HAVCR1: variants seen among roughly 807,000 people sequenced by gnomAD.
HAVCR1 encodes the protein T cell immunoglobin domain and mucin domain protein 1.
Under a neutral mutation model 32.0 loss-of-function variants are expected in HAVCR1, and 34 were observed. That is an observed-to-expected ratio of 1.06 (90% CI 0.81 to 1.42). The LOEUF is 1.42. Ranked by LOEUF, HAVCR1 falls within the 40% of genes most tolerant of loss-of-function variation. The probability of loss-of-function intolerance (pLI) is 0.00; values close to 1 mark genes in which losing one functional copy is unlikely to be tolerated. For synonymous variants in HAVCR1, 178 were observed against 170.3 expected, an observed-to-expected ratio of 1.05 and a Z score of -0.35; for missense variants, 420 against 442.3, an observed-to-expected ratio of 0.95 and a Z score of 0.45.
rs1226932507 is a variant in HAVCR1, at chr5:157,044,621, GAA to G, written c.782-1941_782-1940del. Among the ~76,000 whole-genome samples the G allele has an allele frequency of 8.1e-3, 343 of 42,542 alleles. 1 individual carries two copies. Among genetic ancestry groups the G allele is most frequent in the Middle Eastern group, 0.023 (2 of 88 alleles). The allele number at this position is 42,542 out of a possible 152,430, so 27.9% of individuals were successfully genotyped here. On this transcript the variant is annotated intron_variant, in intron 5 of 8. Transcript: ENST00000523175. Reference sequence around the variant, plus strand: ...AAAGAAAGAAAGAAAGAAAGAGAAAGAAAGAAAGAAAGAAAGAAAGAAAGAAA... The same window carrying G: ...AAAGAAAGAAAGAAAGAAAGAGAAAGAGAAAGAAAGAAAGAAAGAAAGAAA...
rs887489318 is a variant in HAVCR1, at chr5:157,037,430, A to G, written c.838-69T>C. On this transcript the variant is annotated intron_variant, in intron 6 of 8. Coordinates refer to ENST00000523175, the MANE Select transcript of HAVCR1 (RefSeq NM_001173393.3). ...TTATGAAGAGAAAACATTTCCCAGA[A>G]TCACTTACCCAGCCACATTTACCTG... 7 of 759,666 alleles carry G rather than the reference A, an allele frequency of 9.2e-6. No homozygotes were observed. The African/African-American group carries it at 1.2e-4, about 13-fold the overall frequency. 47.1% of individuals were successfully genotyped at this position (759,666 alleles called of 1,614,324 possible).
At chr5:157,050,007 T>C (rs111549710) in intron 4 of HAVCR1, among the ~76,000 whole-genome samples, 1 of 152,198 alleles carries the variant, frequency 6.6e-6, no homozygotes, top group Non-Finnish European at 1.5e-5. Context: ...TTTACATGAT[T>C]CCCTTCTCTT....
intron 3 of HAVCR1, among the ~76,000 whole-genome samples, chr5:157,053,707 TA>T (rs1755915280): frequency 6.6e-6 from 1 of 151,000 alleles, no homozygotes; most frequent in Non-Finnish European, 1.5e-5. Context: ...CCATCTTTAC[TA>T]AAAATACAAA....
Position 157,029,739 on chromosome 5 carries a change from C to G in HAVCR1, c.1089G>C (p.Thr363=), listed in dbSNP as rs185380041. The change falls in exon 9 of 9, where the codon ACG becomes ACC. Residue 363 remains threonine, a synonymous_variant. Coordinates refer to ENST00000523175, the MANE Select transcript of HAVCR1 (RefSeq NM_001173393.3). ...NIYIENSLYA[T]D is the part of the protein sequence containing the mutation. ...CAAAGAGCACCACTGGGTCTTAGTC[C>G]GTGGCATAAAGACTATTCTCAATGT... The G allele has an allele frequency of 2.5e-6, 4 of 1,612,686 alleles. No individual in the cohort carries two copies. The highest frequency in any genetic ancestry group is 3.4e-6 in the Non-Finnish European group (4 of 1,179,632).
At chr5:157,049,578 G>T (rs1755620852) in intron 4 of HAVCR1, among the ~76,000 whole-genome samples, 1 of 152,178 alleles carries the variant, frequency 6.6e-6, no homozygotes, top group African/African-American at 2.4e-5. Context: ...TTAGGAATTT[G>T]CACTAACATG....
At chr5:157,052,795 C>A (rs1755845971) in intron 3 of HAVCR1, 141 bp from the exon 4 acceptor site, 2 of 737,094 alleles carry the variant, frequency 2.7e-6, no homozygotes, top group East Asian at 2.5e-5. Context: ...TTGGTCATTG[C>A]CCAGCTAGAA....
At position 157,030,147 on chromosome 5, in the gene HAVCR1, A is replaced by G. The variant is rs138665140; in HGVS notation, c.987-306T>C. On this transcript the variant is annotated intron_variant, in intron 8 of 8. Transcript: ENST00000523175. ...AAAAATGGAAAATCTAAAAATACAG[A>G]GCTCTGACATCAAACTAAGTGGCTG... Among the ~76,000 whole-genome samples the G allele has an allele frequency of 2.0e-3, 298 of 152,290 alleles. 10 individuals are homozygous for G. In the East Asian group the frequency reaches 0.047, roughly 24 times the overall value.
At chr5:157,058,080 C>G in intron 1 of HAVCR1, 125 bp from the exon 2 acceptor site, 1 of 697,558 alleles carries the variant, frequency 1.4e-6, no homozygotes, top group Non-Finnish European at 2.6e-6. Context: ...GCCTGCTCTG[C>G]TGGAAATGAG....
intron 6 of HAVCR1, among the ~76,000 whole-genome samples, chr5:157,039,569 A>C (rs1397506653): frequency 3.3e-5 from 5 of 152,040 alleles, no homozygotes; most frequent in East Asian, 1.9e-4. Context: ...GGCTGGTCTC[A>C]AACTCCTGAC....
chr5:157,050,324 G>A (rs955345483), intron 4 of HAVCR1, among the ~76,000 whole-genome samples: 29 of 152,258 alleles, frequency 1.9e-4, no homozygotes, highest in African/African-American at 7.0e-4. Context: ...TCTTTCCTAA[G>A]TTTGGGTCCT....
chr5:157,056,780 G>A (rs1370342118), intron 2 of HAVCR1, among the ~76,000 whole-genome samples: 2 of 152,080 alleles, frequency 1.3e-5, no homozygotes, highest in Non-Finnish European at 2.9e-5. Context: ...AGTATATAAT[G>A]AGAGATTATT....
chr5:157,060,329 T>C (rs1756452334), upstream of HAVCR1, among the ~76,000 whole-genome samples: 1 of 152,174 alleles, frequency 6.6e-6, no homozygotes, highest in Admixed American at 6.6e-5. Context: ...CTCTCTCCCC[T>C]GCTGACTCAG....
intron 8 of HAVCR1, among the ~76,000 whole-genome samples, chr5:157,031,789 T>G (rs1581671076): frequency 1.8e-4 from 16 of 91,220 alleles, no homozygotes; most frequent in African/African-American, 1.7e-4. Context: ...CCAGCCTGGG[T>G]GTCTCAAAAA....
chr5:157,047,426 G>A (rs538360920), intron 5 of HAVCR1, among the ~76,000 whole-genome samples: 17 of 151,954 alleles, frequency 1.1e-4, no homozygotes, highest in African/African-American at 3.4e-4. Context: ...TGACGCATAC[G>A]TGTAATCCCA....
chr5:157,036,980 T>G (rs1397287643), intron 7 of HAVCR1, among the ~76,000 whole-genome samples: 1 of 152,140 alleles, frequency 6.6e-6, no homozygotes, highest in African/African-American at 2.4e-5. Context: ...CCTGCCTCAC[T>G]CAGCCTCCCA....
Position 157,029,563 on chromosome 5 carries a change from C to G in HAVCR1, c.*170G>C, listed in dbSNP as rs1487718675. 2 of 1,516,432 alleles carry G rather than the reference C, an allele frequency of 1.3e-6. No homozygotes were observed. The highest frequency in any genetic ancestry group is 1.8e-6 in the Non-Finnish European group (2 of 1,127,864). The allele number at this position is 1,516,432 out of a possible 1,614,324, so 93.9% of individuals were successfully genotyped here. On this transcript the variant is annotated 3_prime_UTR_variant, in exon 9 of 9. Transcript: ENST00000523175. ...TACATTAATGATGAGGTTGACTATA[C>G]ACAGTTTGGAGTGAGAGAGTTACTC...
At chr5:157,036,840 G>T (rs1754561696) in intron 7 of HAVCR1, among the ~76,000 whole-genome samples, 1 of 149,696 alleles carries the variant, frequency 6.7e-6, no homozygotes, top group African/African-American at 2.5e-5. Flanking sequence ...CCTGGCTGGT[G>T]CTTTTTTTAA....
At chr5:157,065,187 C>A in the HAVCR1 span, among the ~76,000 whole-genome samples, 11 of 151,852 alleles carry the variant, frequency 7.2e-5, no homozygotes, top group African/African-American at 2.4e-4. Flanking sequence ...GGCGTGGTGG[C>A]AGGTGCCTGT....
At chr5:157,045,970 G>A (rs1283402351) in intron 5 of HAVCR1, among the ~76,000 whole-genome samples, 3 of 152,180 alleles carry the variant, frequency 2.0e-5, no homozygotes, top group African/African-American at 7.2e-5. Flanking sequence ...CTCAAAGAGT[G>A]GGGTGCAGCT....
Sources: allele counts gnomAD v4.1 joint callset (sites outside exome capture counted in the v4.1 genomes callset), GRCh38; gene constraint gnomAD v4.1.1; transcripts MANE v1.5; gene names NCBI Gene and HGNC (gene_info 2026-07-23, HGNC 2026-07-21).